NDUFV3: variants seen among roughly 807,000 people sequenced by gnomAD.
NDUFV3 encodes NADH dehydrogenase [ubiquinone] flavoprotein 3, mitochondrial.
In NDUFV3, 44 loss-of-function variants were observed where a neutral mutation model predicts 37.5. That is an observed-to-expected ratio of 1.17 (90% CI 0.92 to 1.51). The LOEUF is 1.51. Among genes scored for constraint, NDUFV3 ranks in the 40% most tolerant of loss-of-function variants. The probability of loss-of-function intolerance (pLI) is 0.00; values close to 1 mark genes in which losing one functional copy is unlikely to be tolerated. For missense variants in NDUFV3, 580 were observed against 580.4 expected, an observed-to-expected ratio of 1.00 and a Z score of 0.01; for synonymous variants, 235 against 239.3, an observed-to-expected ratio of 0.98 and a Z score of 0.17.
rs188975083 is a variant in NDUFV3 at position 42,897,478 on chromosome 21, C to G, written c.169+431C>G. Among the ~76,000 whole-genome samples, 590 of 152,262 alleles carry G rather than the reference C, an allele frequency of 3.9e-3. 2 individuals are homozygous for G. Among genetic ancestry groups the G allele is most frequent in the Non-Finnish European group, 5.2e-3 (357 of 68,032 alleles). On this transcript the variant is annotated intron_variant, in intron 2 of 3. Transcript: ENST00000354250. ...TGAGACCCATCTGTGGTTTTCCAGG[C>G]TTTGCTTAATCCCAGTCCAGGACTA...
At chr21:42,896,151 A>ATTT (rs143845594) in intron 1 of NDUFV3, among the ~76,000 whole-genome samples, 18 of 90,940 alleles carry the variant, frequency 2.0e-4, no homozygotes, top group Admixed American at 3.8e-4. Flanking sequence ...GCCTGGCTAA[A>ATTT]TTTTTTTTTT....
intron 1 of NDUFV3, among the ~76,000 whole-genome samples, chr21:42,896,126 G>T (rs1451164179): frequency 6.7e-6 from 1 of 149,980 alleles, no homozygotes; most frequent in African/African-American, 2.5e-5. Flanking sequence ...TGGAACTACA[G>T]GCATGCACCA....
chr21:42,894,044 C>T (rs1303556053), intron 1 of NDUFV3, among the ~76,000 whole-genome samples: 2 of 151,380 alleles, frequency 1.3e-5, no homozygotes, highest in Non-Finnish European at 2.9e-5. Context: ...GTCGAAACCC[C>T]GTCTCTAAAA....
At chr21:42,903,090 A>C (rs1322148257) in intron 2 of NDUFV3, 92 bp from the exon 3 acceptor site, 11 of 1,500,660 alleles carry the variant, frequency 7.3e-6, no homozygotes, top group Non-Finnish European at 8.2e-6. Context: ...AGATACTGTC[A>C]GTAATAAGTA....
chr21:42,904,173 T>A lies in NDUFV3; in HGVS notation c.1161T>A (p.Asn387Lys). ...PSNLETVPVE[N>K]NHGFHEKTAA... is the part of the protein sequence containing the mutation. ...ATTTGGAGACAGTTCCTGTTGAGAA[T>A]AACCACGGTTTCCATGAAAAGACAG... Residue 387 changes from asparagine (N) to lysine (K), a missense_variant, in exon 3 of 4, where the codon AAT becomes AAA. Transcript: ENST00000354250. The A allele has an allele frequency of 1.2e-6, 2 of 1,614,210 alleles. No individual in the cohort carries two copies. Among genetic ancestry groups the A allele is most frequent in the South Asian group, 2.2e-5 (2 of 91,084 alleles).
At position 42,893,395 on chromosome 21, in the gene NDUFV3, C is replaced by T; in HGVS notation, c.48+14C>T. ...GGGGCGCTGAAGGTAAAGGAGGAGC[C>T]AGCCTGGGCTGGCTGCGCGGCCCCG... is the stretch of plus-strand genomic sequence containing the variant. On this transcript the variant is annotated intron_variant, in intron 1 of 3. Transcript: ENST00000354250. The T allele has an allele frequency of 1.3e-6, 2 of 1,536,252 alleles. No homozygotes were observed. The highest frequency in any genetic ancestry group is 1.7e-6 in the Non-Finnish European group (2 of 1,146,342).
intron 2 of NDUFV3, 144 bp downstream of exon 2, chr21:42,897,191 A>G: frequency 1.1e-6 from 1 of 930,866 alleles, no homozygotes; most frequent in Non-Finnish European, 1.7e-6. Context: ...TACAAGACAC[A>G]AGATCTATAA....
rs558623170 is a variant in NDUFV3 at position 42,910,779 on chromosome 21, T to G, written c.*1758T>G. The G allele has an allele frequency of 4.7e-4, 73 of 154,954 alleles. No homozygotes were observed. The highest frequency in any genetic ancestry group is 1.7e-3 in the African/African-American group (70 of 41,492). 9.6% of individuals were successfully genotyped at this position (154,954 alleles called of 1,614,324 possible). A position where few individuals can be genotyped will look rare whatever the true frequency, so the allele number is the denominator to read the frequency against. On this transcript the variant is annotated 3_prime_UTR_variant, in exon 4 of 4. Transcript: ENST00000354250. Reference sequence around the variant, plus strand: ...GCCACAGGCACTCAATGAGCTATTTTACCTATTTAGGGTTTCTGGGTTGGC... The same window carrying G: ...GCCACAGGCACTCAATGAGCTATTTGACCTATTTAGGGTTTCTGGGTTGGC...
chr21:42,912,075 T>C lies in NDUFV3; in HGVS notation c.*3054T>C, dbSNP rs552180319. On this transcript the variant is annotated 3_prime_UTR_variant, in exon 4 of 4. Transcript: ENST00000354250. ...GACTAACATGGTGAAACCCCCTCTCTACTAAAATTACAAAATTAGCCGGGC... is the reference window on the plus strand; with the variant it reads ...GACTAACATGGTGAAACCCCCTCTCCACTAAAATTACAAAATTAGCCGGGC... 1 of 152,110 alleles carries C rather than the reference T, an allele frequency of 6.6e-6. No individual in the cohort carries two copies. The highest frequency in any genetic ancestry group is 2.1e-4 in the South Asian group (1 of 4,812). The allele number at this position is 152,110 out of a possible 1,614,324, so 9.4% of individuals were successfully genotyped here. A position where few individuals can be genotyped will look rare whatever the true frequency, so the allele number is the denominator to read the frequency against.
chr21:42,896,347 G>A (rs923822224), intron 1 of NDUFV3, among the ~76,000 whole-genome samples: 47 of 141,088 alleles, frequency 3.3e-4, no homozygotes, highest in South Asian at 1.3e-3. Context: ...TAGTAGAGAC[G>A]GGGTTTCACC....
intron 1 of NDUFV3, among the ~76,000 whole-genome samples, chr21:42,894,286 C>A (rs1318045158): frequency 9.0e-6 from 1 of 111,662 alleles, no homozygotes; most frequent in African/African-American, 3.9e-5. Context: ...AGTAACTATT[C>A]CCTGCAGAAT....
Position 42,908,882 on chromosome 21 carries a change from C to T in NDUFV3, c.1283C>T (p.Ala428Val). 1 of 1,614,186 alleles carries T rather than the reference C, an allele frequency of 6.2e-7. No individual in the cohort carries two copies. Among genetic ancestry groups the T allele is most frequent in the Non-Finnish European group, 8.5e-7 (1 of 1,180,032 alleles). ...TCCGCAGAGCCAGCCCCAGTGCCTG[C>T]TGAGCCGTTTGACAACACTACCTAC... ...GGTQEPAPVP[A>V]EPFDNTTYKN... Residue 428 changes from alanine (A) to valine (V), a missense_variant, in exon 4 of 4, where the codon GCT becomes GTT. Coordinates refer to ENST00000354250, the MANE Select transcript of NDUFV3 (RefSeq NM_021075.4).
Position 42,893,323 on chromosome 21 carries a change from C to T in NDUFV3, c.-11C>T. 1.3e-6 allele frequency: 2 copies of T among 1,537,944 alleles called. No homozygotes were observed. The highest frequency in any genetic ancestry group is 1.7e-6 in the Non-Finnish European group (2 of 1,146,334). Reference sequence around the variant, plus strand: ...GCTGTGGCCCTGCTTGGTGCGCCCGCTGTCACCGCCATGGCTGCCCCGTGT... The same window carrying T: ...GCTGTGGCCCTGCTTGGTGCGCCCGTTGTCACCGCCATGGCTGCCCCGTGT... On this transcript the variant is annotated 5_prime_UTR_variant, in exon 1 of 4. Transcript: ENST00000354250.
chr21:42,895,025 C>T (rs1247364795), intron 1 of NDUFV3, among the ~76,000 whole-genome samples: 1 of 152,064 alleles, frequency 6.6e-6, no homozygotes, highest in Non-Finnish European at 1.5e-5. Flanking sequence ...GATAGTATTT[C>T]TTCTACTCTA....
intron 1 of NDUFV3, 129 bp from the exon 2 acceptor site, chr21:42,896,798 C>T: frequency 1.1e-6 from 1 of 882,080 alleles, no homozygotes; most frequent in Non-Finnish European, 1.7e-6. Context: ...ATGATTGTGC[C>T]ACTGCACTCC....
rs765898382 is a variant in NDUFV3 at position 42,903,569 on chromosome 21, G to A, written c.557G>A (p.Arg186Gln). 26 of 1,613,792 alleles carry A rather than the reference G, an allele frequency of 1.6e-5. No homozygotes were observed. In the East Asian group the frequency reaches 2.2e-4, roughly 14 times the overall value. The change falls in exon 3 of 4, where the codon CGA (arginine) becomes CAA (glutamine). Residue 186 changes from arginine to glutamine, a missense_variant. Coordinates refer to ENST00000354250, the MANE Select transcript of NDUFV3 (RefSeq NM_021075.4). Reference sequence around the variant, plus strand: ...GTGAGCAAAGGCAGAGGGGGGCTTCGAAAACCAGAGGCCTCTCATTCCTTT... The same window carrying A: ...GTGAGCAAAGGCAGAGGGGGGCTTCAAAAACCAGAGGCCTCTCATTCCTTT... ...RVVSKGRGGL[R>Q]KPEASHSFEN... is the part of the protein sequence containing the mutation.
intron 2 of NDUFV3, among the ~76,000 whole-genome samples, chr21:42,901,368 G>A (rs2058717076): frequency 6.6e-6 from 1 of 152,062 alleles, no homozygotes; most frequent in South Asian, 2.1e-4. Flanking sequence ...CTTGAACCCA[G>A]GAGGTGGAGG....
rs1228914972 is a variant in NDUFV3 at position 42,911,382 on chromosome 21, C to T, written c.*2361C>T. 1 of 146,996 alleles carries T rather than the reference C, an allele frequency of 6.8e-6. No individual in the cohort carries two copies. The highest frequency in any genetic ancestry group is 1.5e-5 in the Non-Finnish European group (1 of 67,082). 9.1% of individuals were successfully genotyped at this position (146,996 alleles called of 1,614,324 possible). A position where few individuals can be genotyped will look rare whatever the true frequency, so the allele number is the denominator to read the frequency against. On this transcript the variant is annotated 3_prime_UTR_variant, in exon 4 of 4. Transcript: ENST00000354250. ...ATTTTTTATAATAAAAGTGGTAAAA[C>T]TACATTACCAAAAAGAAAATAGTAA...
chr21:42,903,380 A>G lies in NDUFV3; in HGVS notation c.368A>G (p.Glu123Gly). 6.2e-7 allele frequency: 1 copy of G among 1,614,248 alleles called. No individual in the cohort carries two copies. Among genetic ancestry groups the G allele is most frequent in the Non-Finnish European group, 8.5e-7 (1 of 1,180,054 alleles). ...PKFLSRKTLV[E>G]FPQKVLSPFR... ...TTTTTGTCAAGAAAGACTTTGGTAGAGTTTCCACAGAAAGTTCTGTCTCCA... is the reference window on the plus strand; with the variant it reads ...TTTTTGTCAAGAAAGACTTTGGTAGGGTTTCCACAGAAAGTTCTGTCTCCA... The change falls in exon 3 of 4, where the codon GAG becomes GGG. Residue 123 changes from glutamate (E) to glycine (G), a missense_variant. Glu to Gly is a moderately conservative substitution (Grantham distance 98). Transcript: ENST00000354250.
Sources: allele counts gnomAD v4.1 joint callset (sites outside exome capture counted in the v4.1 genomes callset), GRCh38; gene constraint gnomAD v4.1.1; transcripts MANE v1.5; gene names NCBI Gene and HGNC (gene_info 2026-07-23, HGNC 2026-07-21).